Variants in LDLRAD2 observed in about 807,000 individuals in gnomAD.
LDLRAD2 encodes low density lipoprotein receptor class A domain containing 2.
A neutral mutation model predicts 24.9 loss-of-function variants in LDLRAD2; 25 were observed. The ratio of observed to expected loss-of-function variants is 1.00; its 90% CI spans 0.73 to 1.40. The LOEUF (loss-of-function observed/expected upper bound fraction) is 1.40. LDLRAD2 is among the 40% of genes most tolerant of loss of function. LDLRAD2 has a pLI of 0.00. For missense variants in LDLRAD2, 391 were observed against 366.2 expected, an observed-to-expected ratio of 1.07 and a Z score of -0.55; for synonymous variants, 182 against 166.7, an observed-to-expected ratio of 1.09 and a Z score of -0.71.
rs1023461477 is a variant in LDLRAD2 at position 21,823,266 on chromosome 1, A to C, written c.*1051A>C. On this transcript the variant is annotated 3_prime_UTR_variant, in exon 5 of 5. Coordinates refer to ENST00000344642, the MANE Select transcript of LDLRAD2 (RefSeq NM_001013693.3). Reference sequence around the variant, plus strand: ...TAATATTAATAATAATATACTCGACATTGTCGGGCTGGGGCGTGGCCCGGG... The same window carrying C: ...TAATATTAATAATAATATACTCGACCTTGTCGGGCTGGGGCGTGGCCCGGG... The C allele has an allele frequency of 5.7e-6, 8 of 1,412,580 alleles. No individual in the cohort carries two copies. In the African/African-American group the frequency reaches 1.0e-4, roughly 18 times the overall value. The allele number at this position is 1,412,580 out of a possible 1,614,324, so 87.5% of individuals were successfully genotyped here. A position where few individuals can be genotyped will look rare whatever the true frequency, so the allele number is the denominator to read the frequency against.
Position 21,822,538 on chromosome 1 carries a change from A to T in LDLRAD2, c.*323A>T. On this transcript the variant is annotated 3_prime_UTR_variant, in exon 5 of 5. Coordinates refer to ENST00000344642, the MANE Select transcript of LDLRAD2 (RefSeq NM_001013693.3). ...GGAGTCCCTGGGCCTTCACTTCCAG[A>T]TGGGTGGGGATGTGGCCTGGGGTGG... 4 of 255,960 alleles carry T rather than the reference A, an allele frequency of 1.6e-5. No homozygotes were observed. The highest frequency in any genetic ancestry group is 2.3e-5 in the Non-Finnish European group (3 of 129,450). The allele number at this position is 255,960 out of a possible 1,614,324, so 15.9% of individuals were successfully genotyped here. A position where few individuals can be genotyped will look rare whatever the true frequency, so the allele number is the denominator to read the frequency against.
chr1:21,824,650 C>T lies in LDLRAD2; in HGVS notation c.*2435C>T, dbSNP rs1406570817. 2 of 1,613,482 alleles carry T rather than the reference C, an allele frequency of 1.2e-6. No homozygotes were observed. The highest frequency in any genetic ancestry group is 1.7e-6 in the Non-Finnish European group (2 of 1,179,756). On this transcript the variant is annotated 3_prime_UTR_variant, in exon 5 of 5. Coordinates refer to ENST00000344642, the MANE Select transcript of LDLRAD2 (RefSeq NM_001013693.3). The surrounding 1 kb of genome is among the most constrained non-coding windows in gnomAD (Gnocchi z 5.9). ...AAGAGCGGGTGAGGGGACAGAAGTC[C>T]CAGATTCCCATCCTCCCCATTAGGC...
chr1:21,820,548 A>G (rs1185784437), intron 3 of LDLRAD2, among the ~76,000 whole-genome samples: 1 of 149,716 alleles, frequency 6.7e-6, no homozygotes, highest in African/African-American at 2.5e-5. Context: ...AAAAGAAAAG[A>G]AAAGAAAAGC....
In LDLRAD2 at chr1:21,814,548, T is replaced by G. The variant is rs779354664; in HGVS notation, c.236T>G (p.Phe79Cys). The G allele has an allele frequency of 1.2e-6, 2 of 1,612,500 alleles. No individual in the cohort carries two copies. The highest frequency in any genetic ancestry group is 1.1e-5 in the South Asian group (1 of 91,066). Residue 79 changes from phenylalanine (F) to cysteine (C), a missense_variant, in exon 2 of 5, where the codon TTC becomes TGC. Physicochemically the swap from Phe to Cys is radical, Grantham distance 205. Coordinates refer to ENST00000344642, the MANE Select transcript of LDLRAD2 (RefSeq NM_001013693.3). Reference sequence around the variant, plus strand: ...GCAGCCCCCGGCGACCGGATCCGCTTCCAGTTCCGCTTCTTCCTGGTCTAC... The same window carrying G: ...GCAGCCCCCGGCGACCGGATCCGCTGCCAGTTCCGCTTCTTCCTGGTCTAC... ...QAAAPGDRIR[F>C]QFRFFLVYSL...
chr1:21,812,613 T>A, intron 1 of LDLRAD2, 77 bp downstream of exon 1: 1 of 1,206,990 alleles, frequency 8.3e-7, no homozygotes, highest in Non-Finnish European at 1.2e-6. Context: ...GTTTCCCCAG[T>A]CAGCACTCAT....
intron 4 of LDLRAD2, chr1:21,821,824 G>A (rs1040918008): frequency 4.9e-6 from 7 of 1,429,952 alleles, no homozygotes; most frequent in Non-Finnish European, 5.5e-6. Context: ...CCAGCTGGCT[G>A]GCCTGGCAAC....
rs1297130328 is a variant in LDLRAD2, at chr1:21,824,732, C to T, written c.*2517C>T. On this transcript the variant is annotated 3_prime_UTR_variant, in exon 5 of 5. Transcript: ENST00000344642. The surrounding 1 kb of genome is among the most constrained non-coding windows in gnomAD (Gnocchi z 5.9). ...CTGGAGAAGACATGGCCAGGGAAGG[C>T]GAGGAAGCCATCATCGTGGAAATAG... 25 of 1,613,516 alleles carry T rather than the reference C, an allele frequency of 1.5e-5. No homozygotes were observed. The highest frequency in any genetic ancestry group is 2.1e-5 in the Non-Finnish European group (25 of 1,179,824).
At chr1:21,814,078 C>A (rs1479478592) in intron 1 of LDLRAD2, among the ~76,000 whole-genome samples, 3 of 152,114 alleles carry the variant, frequency 2.0e-5, no homozygotes, top group Non-Finnish European at 4.4e-5. Context: ...ACCATGTTGG[C>A]CAGGCTGGTC....
chr1:21,821,776 T>C, intron 4 of LDLRAD2, 165 bp downstream of exon 4: 1 of 1,446,730 alleles, frequency 6.9e-7, no homozygotes, highest in African/African-American at 1.4e-5. Flanking sequence ...TGGCCTCTGC[T>C]GGCCTCCTCC....
At position 21,824,786 on chromosome 1, in the gene LDLRAD2, G is replaced by A; in HGVS notation, c.*2571G>A. 6.2e-7 allele frequency: 1 copy of A among 1,610,110 alleles called. No homozygotes were observed. The highest frequency in any genetic ancestry group is 1.3e-5 in the African/African-American group (1 of 74,960). On this transcript the variant is annotated 3_prime_UTR_variant, in exon 5 of 5. Coordinates refer to ENST00000344642, the MANE Select transcript of LDLRAD2 (RefSeq NM_001013693.3). The surrounding 1 kb of genome is among the most constrained non-coding windows in gnomAD (Gnocchi z 5.9). The stretch of plus-strand genomic sequence containing the variant: ...CCGTACTGCCCAGGGGCATCTGTGG[G>A]AGAGAGGAGGGTGGTGCCATACCTG...
At chr1:21,814,169 C>T (rs2097941336) in intron 1 of LDLRAD2, among the ~76,000 whole-genome samples, 1 of 152,126 alleles carries the variant, frequency 6.6e-6, no homozygotes, top group Admixed American at 6.6e-5. Flanking sequence ...TGCGCTCGGC[C>T]CCGCATCTTA....
In LDLRAD2 at chr1:21,816,082, C is replaced by G; in HGVS notation, c.643+8C>G. ...CACCAGCTGACTGCAGAGGTCAGTG[C>G]GGGGTGTGGACTGGGCCCTACTGAA... On this transcript the variant is annotated splice_region_variant and intron_variant, in intron 3 of 4. Coordinates refer to ENST00000344642, the MANE Select transcript of LDLRAD2 (RefSeq NM_001013693.3). 1 of 1,611,912 alleles carries G rather than the reference C, an allele frequency of 6.2e-7. No individual in the cohort carries two copies. Among genetic ancestry groups the G allele is most frequent in the Non-Finnish European group, 8.5e-7 (1 of 1,179,646 alleles).
At chr1:21,817,219 C>T (rs1298099561) in intron 3 of LDLRAD2, among the ~76,000 whole-genome samples, 2 of 152,222 alleles carry the variant, frequency 1.3e-5, no homozygotes, top group Admixed American at 6.5e-5. Flanking sequence ...ACCACCAGCT[C>T]TCGTCTGGGT....
rs563793458 is a variant in LDLRAD2, at chr1:21,822,131, G to C, written c.806-71G>C. ...CTGCCTCACAGGGTTGGGGGCCTGG[G>C]GGCCTCGCTGATCCCAAGCCAGCTT... is the stretch of plus-strand genomic sequence containing the variant. On this transcript the variant is annotated intron_variant, in intron 4 of 4. Transcript: ENST00000344642. 4 of 1,613,346 alleles carry C rather than the reference G, an allele frequency of 2.5e-6. No individual in the cohort carries two copies. In the Admixed American group the frequency reaches 6.7e-5, roughly 27 times the overall value.
At chr1:21,816,940 G>A (rs986580923) in intron 3 of LDLRAD2, among the ~76,000 whole-genome samples, 5 of 152,022 alleles carry the variant, frequency 3.3e-5, no homozygotes, top group Admixed American at 3.3e-4. Flanking sequence ...CCTCCTCCCT[G>A]CTCAGCATCT....
intron 1 of LDLRAD2, among the ~76,000 whole-genome samples, chr1:21,813,629 TAA>T (rs974065133): frequency 2.6e-5 from 4 of 152,190 alleles, no homozygotes; most frequent in African/African-American, 9.7e-5. Flanking sequence ...GGGCTGTAAG[TAA>T]CAGATAACAA....
Position 21,823,655 on chromosome 1 carries a change from G to C in LDLRAD2, c.*1440G>C. On this transcript the variant is annotated 3_prime_UTR_variant, in exon 5 of 5. Coordinates refer to ENST00000344642, the MANE Select transcript of LDLRAD2 (RefSeq NM_001013693.3). ...CCCTTGGCGTTGACTGCCACGTTGG[G>C]ACCTGGGGACCGGCCGCTGACCAGC... 6.2e-7 allele frequency: 1 copy of C among 1,613,762 alleles called. No individual in the cohort carries two copies. Among genetic ancestry groups the C allele is most frequent in the African/African-American group, 1.3e-5 (1 of 75,032 alleles).
In LDLRAD2 at chr1:21,823,120, C is replaced by G. The variant is rs1004751634; in HGVS notation, c.*905C>G. ...GCCCACTCCCATCCAACCTGCCTTGCTGGCCAGCCTTGTGGCTTTGCCCAG... is the reference window on the plus strand; with the variant it reads ...GCCCACTCCCATCCAACCTGCCTTGGTGGCCAGCCTTGTGGCTTTGCCCAG... On this transcript the variant is annotated 3_prime_UTR_variant, in exon 5 of 5. Coordinates refer to ENST00000344642, the MANE Select transcript of LDLRAD2 (RefSeq NM_001013693.3). 1.9e-5 allele frequency: 10 copies of G among 522,446 alleles called. No individual in the cohort carries two copies. In the African/African-American group the frequency reaches 2.0e-4, roughly 10 times the overall value. The allele number at this position is 522,446 out of a possible 1,614,324, so 32.4% of individuals were successfully genotyped here.
Position 21,824,906 on chromosome 1 carries a change from G to A in LDLRAD2, c.*2691G>A, listed in dbSNP as rs1557665484. 4.8e-6 allele frequency: 4 copies of A among 836,534 alleles called. No homozygotes were observed. The highest frequency in any genetic ancestry group is 2.0e-5 in the Admixed American group (1 of 49,750). The allele number at this position is 836,534 out of a possible 1,614,324, so 51.8% of individuals were successfully genotyped here. Reference sequence around the variant, plus strand: ...GGGGCTCCGAGCCTGCAGTCCCTGGGGACCCACGGGGGCTGCCAACAGAAT... The same window carrying A: ...GGGGCTCCGAGCCTGCAGTCCCTGGAGACCCACGGGGGCTGCCAACAGAAT... On this transcript the variant is annotated 3_prime_UTR_variant, in exon 5 of 5. Transcript: ENST00000344642. This position sits in a 1 kb window ranked among gnomAD's most constrained non-coding sequence, Gnocchi z 5.9.
Sources: gnomAD v4.1 joint callset for allele counts (sites outside exome capture counted in the v4.1 genomes callset) on GRCh38, gnomAD v4.1.1 for gene constraint, Gnocchi (gnomAD v3.1) non-coding constraint, MANE v1.5 for transcripts, NCBI Gene and HGNC (gene_info 2026-07-23, HGNC 2026-07-21) for gene names.